KDM3B: variants seen among roughly 807,000 people sequenced by gnomAD.
KDM3B encodes the protein lysine-specific demethylase 3B.
Under a neutral mutation model 170.0 loss-of-function variants are expected in KDM3B, and 10 were observed. The ratio of observed to expected loss-of-function variants is 0.06; its 90% CI spans 0.04 to 0.10. The LOEUF is 0.10. KDM3B is among the 10% of genes least tolerant of loss of function. The probability of loss-of-function intolerance (pLI) is 1.00; values close to 1 mark genes in which losing one functional copy is unlikely to be tolerated. For missense variants in KDM3B, 1,394 were observed against 2,195.2 expected (o/e 0.64, Z 7.29); for synonymous variants, 831 against 834.8 (o/e 1.00, Z 0.08).
chr5:138,381,315 A>G (rs1762119587), intron 5 of KDM3B, among the ~76,000 whole-genome samples: 1 of 152,236 alleles, frequency 6.6e-6, no homozygotes, highest in South Asian at 2.1e-4. Context: ...TCTTTCATTC[A>G]TTCACTTAAA....
intron 1 of KDM3B, among the ~76,000 whole-genome samples, chr5:138,368,316 T>C (rs1761794414): frequency 6.6e-6 from 1 of 151,154 alleles, no homozygotes; most frequent in Non-Finnish European, 1.5e-5. Context: ...CACTGCAGCC[T>C]TGAACTCCTT....
At chr5:138,432,014 C>T (rs2127008990) in intron 23 of KDM3B, among the ~76,000 whole-genome samples, 1 of 152,306 alleles carries the variant, frequency 6.6e-6, no homozygotes, top group East Asian at 1.9e-4. Context: ...ATCCTCTCAC[C>T]TCAGCTTCAC....
At chr5:138,402,056 A>T (rs1762707751) in intron 11 of KDM3B, among the ~76,000 whole-genome samples, 1 of 151,886 alleles carries the variant, frequency 6.6e-6, no homozygotes, top group African/African-American at 2.4e-5. Flanking sequence ...AGCCTCCTGC[A>T]TAGCTGGGAC....
intron 23 of KDM3B, among the ~76,000 whole-genome samples, chr5:138,432,003 G>T (rs746547325): frequency 1.3e-5 from 2 of 152,112 alleles, no homozygotes; most frequent in Non-Finnish European, 2.9e-5. Context: ...GGGCTCAAGA[G>T]ATCCTCTCAC....
intron 9 of KDM3B, among the ~76,000 whole-genome samples, chr5:138,397,318 G>C (rs1762573420): frequency 6.6e-6 from 1 of 152,012 alleles, no homozygotes; most frequent in African/African-American, 2.4e-5. Flanking sequence ...CTGGGTGGCA[G>C]AGCGAGACTC....
chr5:138,427,262 A>C lies in KDM3B; in HGVS notation c.4576A>C (p.Arg1526=), dbSNP rs1444916031. 6.2e-7 allele frequency: 1 copy of C among 1,614,090 alleles called. No individual in the cohort carries two copies. The highest frequency in any genetic ancestry group is 8.5e-7 in the Non-Finnish European group (1 of 1,179,946). The change falls in exon 19 of 24, where the codon AGG becomes CGG. Residue 1526 remains arginine, a synonymous_variant. Coordinates refer to ENST00000314358, the MANE Select transcript of KDM3B (RefSeq NM_016604.4). The stretch of plus-strand genomic sequence containing the variant: ...AGATGGCAGGCTCAATCTGGCCTCT[A>C]GGCTACCTAGCTACTTTGTAAGGCC... The part of the protein sequence containing the change: ...KRDGRLNLAS[R]LPSYFVRPDL...
At chr5:138,379,057 C>T (rs1257258111) in intron 4 of KDM3B, among the ~76,000 whole-genome samples, 2 of 151,942 alleles carry the variant, frequency 1.3e-5, no homozygotes, top group African/African-American at 2.4e-5. Context: ...TTTGTTCAGC[C>T]TATTATTAGT....
intron 1 of KDM3B, among the ~76,000 whole-genome samples, chr5:138,371,999 G>A (rs1006841089): frequency 1.3e-5 from 2 of 152,052 alleles, no homozygotes; most frequent in African/African-American, 4.8e-5. Context: ...AGTAGTTCCA[G>A]CTACTTGGGA....
chr5:138,431,683 G>A, intron 23 of KDM3B, 124 bp downstream of exon 23: 3 of 900,040 alleles, frequency 3.3e-6, no homozygotes, highest in South Asian at 3.2e-5. Flanking sequence ...GAGAAATGAT[G>A]CAGGGAAGAA....
chr5:138,387,864 A>G (rs556993749), intron 7 of KDM3B, among the ~76,000 whole-genome samples: 92 of 151,802 alleles, frequency 6.1e-4, no homozygotes, highest in East Asian at 3.5e-3. Context: ...GGCGGATCAC[A>G]AGGTCAGGAG....
intron 1 of KDM3B, among the ~76,000 whole-genome samples, chr5:138,368,093 C>T (rs1274186682): frequency 2.6e-5 from 4 of 152,062 alleles, no homozygotes; most frequent in Admixed American, 6.6e-5. Flanking sequence ...CCTTGGTCAC[C>T]TCTGACTCAA....
intron 11 of KDM3B, among the ~76,000 whole-genome samples, chr5:138,400,703 C>G (rs940280925): frequency 2.0e-5 from 3 of 151,908 alleles, no homozygotes; most frequent in African/African-American, 7.3e-5. Context: ...GAGCTATGAT[C>G]ATACCACTGC....
chr5:138,403,127 A>G (rs1762730473), intron 11 of KDM3B, among the ~76,000 whole-genome samples: 2 of 152,232 alleles, frequency 1.3e-5, no homozygotes, highest in Admixed American at 1.3e-4. Context: ...TCCATAACAA[A>G]GTATAAAGCA....
intron 12 of KDM3B, among the ~76,000 whole-genome samples, chr5:138,416,588 C>CAAAAAAAAAAAAAAAAAAAAAAAAAAA (rs545925296): frequency 1.2e-5 from 1 of 84,226 alleles, no homozygotes; most frequent in Non-Finnish European, 2.3e-5. Context: ...GACTCTGTCT[C>CAAAAAAAAAAAAAAAAAAAAAAAAAAA]AAAAAAAAAA....
At position 138,391,213 on chromosome 5, in the gene KDM3B, T is replaced by C; in HGVS notation, c.1581T>C (p.Phe527=). The C allele has an allele frequency of 6.2e-7, 1 of 1,614,052 alleles. No individual in the cohort carries two copies. Among genetic ancestry groups the C allele is most frequent in the African/African-American group, 1.3e-5 (1 of 75,046 alleles). ...CTGATCTCTCCAAAAACTTGTTTTT[T>C]CAATGCATGTCCCAAACTTTACCTA... ...KDTDLSKNLF[F]QCMSQTLPTS... Residue 527 remains phenylalanine, a synonymous_variant, in exon 8 of 24, where the codon TTT becomes TTC. Transcript: ENST00000314358. The surrounding 1 kb of genome is among the most constrained non-coding windows in gnomAD (Gnocchi z 5.0).
chr5:138,425,683 A>G (rs1763374803), intron 17 of KDM3B, 101 bp downstream of exon 17: 3 of 1,042,624 alleles, frequency 2.9e-6, no homozygotes, highest in South Asian at 3.9e-5. Context: ...CTGGGGCATA[A>G]TGGGACTTGA....
At chr5:138,378,078 TG>T (rs1384421680) in intron 4 of KDM3B, among the ~76,000 whole-genome samples, 1 of 152,192 alleles carries the variant, frequency 6.6e-6, no homozygotes, top group Admixed American at 6.5e-5. Flanking sequence ...TGGAGGTGTC[TG>T]TAACAGAGGT....
At chr5:138,408,772 A>T (rs902850448) in intron 11 of KDM3B, among the ~76,000 whole-genome samples, 1 of 152,248 alleles carries the variant, frequency 6.6e-6, no homozygotes, top group Non-Finnish European at 1.5e-5. Flanking sequence ...CTATATTAGT[A>T]GACTAAAAAA....
chr5:138,426,687 T>G, intron 17 of KDM3B: 1 of 308,716 alleles, frequency 3.2e-6, no homozygotes, highest in South Asian at 3.4e-5. Flanking sequence ...GGTCAGGAGT[T>G]TGAGACCAGC....
Sources: gnomAD v4.1 joint callset for allele counts (sites outside exome capture counted in the v4.1 genomes callset) on GRCh38, gnomAD v4.1.1 for gene constraint, Gnocchi (gnomAD v3.1) non-coding constraint, MANE v1.5 for transcripts, NCBI Gene and HGNC (gene_info 2026-07-23, HGNC 2026-07-21) for gene names.